The following RCOR2 variants were observed in gnomAD, a reference collection of about 807,000 sequenced individuals.
The protein encoded by RCOR2 is REST corepressor 2.
RCOR2 carries 19 observed loss-of-function variants against 58.9 expected under a neutral mutation model. The ratio of observed to expected loss-of-function variants is 0.32; its 90% CI spans 0.23 to 0.47. RCOR2 has a LOEUF of 0.47. RCOR2 is among the 20% of genes least tolerant of loss of function. The pLI, the probability that RCOR2 is intolerant of heterozygous loss-of-function variation, is 1.00. For missense variants in RCOR2, 590 were observed against 707.9 expected (o/e 0.83, Z 1.89); for synonymous variants, 286 against 278.7 (o/e 1.03, Z -0.26).
chr11:63,915,875 G>A (rs1309819892), intron 1 of RCOR2, among the ~76,000 whole-genome samples: 1 of 152,212 alleles, frequency 6.6e-6, no homozygotes, highest in African/African-American at 2.4e-5. Context: ...GGCCAAGCAG[G>A]GTGCTTTGTT....
chr11:63,926,779 G>GTTT, the RCOR2 span, among the ~76,000 whole-genome samples: 13,167 of 118,968 alleles, frequency 0.11, 742 homozygotes, highest in East Asian at 0.27. Context: ...TGCCTGGCCT[G>GTTT]TTTTTTTTTT....
Position 63,916,497 on chromosome 11 carries a change from A to G in RCOR2, c.-41T>C, listed in dbSNP as rs769081450. 1.3e-6 allele frequency: 2 copies of G among 1,584,214 alleles called. No individual in the cohort carries two copies. The highest frequency in any genetic ancestry group is 1.7e-5 in the Admixed American group (1 of 57,188). ...CCCCGGGGGGCGCAGGAGCCTTCGG[A>G]GAGCGACAGTGGTTGCCGCACTCGC... On this transcript the variant is annotated 5_prime_UTR_variant, in exon 1 of 12. Transcript: ENST00000301459.
In RCOR2 at chr11:63,912,603, C is replaced by T; in HGVS notation, c.1028-69G>A. 3 of 1,592,956 alleles carry T rather than the reference C, an allele frequency of 1.9e-6. No homozygotes were observed. In the Admixed American group the frequency reaches 5.0e-5, roughly 27 times the overall value. ...TAGTTACTTCCCTGACCCTTCCCCT[C>T]TGCCCCCCCACTCCTTGGAGGGTGG... On this transcript the variant is annotated intron_variant, in intron 10 of 11. Coordinates refer to ENST00000301459, the MANE Select transcript of RCOR2 (RefSeq NM_173587.4).
chr11:63,918,385 G>C (rs1941890953), upstream of RCOR2, among the ~76,000 whole-genome samples: 1 of 152,162 alleles, frequency 6.6e-6, no homozygotes, highest in African/African-American at 2.4e-5. Flanking sequence ...GGACTCCTGC[G>C]GACAGCCAGG....
upstream of RCOR2, among the ~76,000 whole-genome samples, chr11:63,917,810 G>A (rs1941882007): frequency 6.6e-6 from 1 of 152,098 alleles, no homozygotes; most frequent in African/African-American, 2.4e-5. Flanking sequence ...GGAAGGTCTG[G>A]GCTGCAGGGG....
At chr11:63,924,670 T>C in the RCOR2 span, among the ~76,000 whole-genome samples, 1 of 152,118 alleles carries the variant, frequency 6.6e-6, no homozygotes. Flanking sequence ...CTGCCTCCTC[T>C]CTTGACTTCC....
chr11:63,911,916 G>T lies in RCOR2; in HGVS notation c.1521C>A (p.Pro507=), dbSNP rs1252391074. The T allele has an allele frequency of 7.6e-7, 1 of 1,311,664 alleles. No individual in the cohort carries two copies. Among genetic ancestry groups the T allele is most frequent in the Non-Finnish European group, 1.0e-6 (1 of 982,672 alleles). The allele number at this position is 1,311,664 out of a possible 1,614,324, so 81.3% of individuals were successfully genotyped here. A position where few individuals can be genotyped will look rare whatever the true frequency, so the allele number is the denominator to read the frequency against. Reference sequence around the variant, plus strand: ...GAGGGGTTCCAATCAGGGTGGGTGGGGGCTGAGGGCCAGGGCGGGCGCTGT... The same window carrying T: ...GAGGGGTTCCAATCAGGGTGGGTGGTGGCTGAGGGCCAGGGCGGGCGCTGT... ...PRHSARPGPQ[P]PPTLIGTPLE... Residue 507 remains proline, a synonymous_variant, in exon 12 of 12, where the codon CCC becomes CCA. Transcript: ENST00000301459.
chr11:63,914,562 A>G (rs760014488), intron 5 of RCOR2, 21 bp from the exon 6 acceptor site: 5 of 1,613,262 alleles, frequency 3.1e-6, no homozygotes, highest in African/African-American at 2.7e-5. Context: ...CAACGCCAGA[A>G]GCTGGGGACC....
Position 63,911,917 on chromosome 11 carries a change from G to GGCTGAGGGCCAGGGCGGGC in RCOR2, c.1501_1519dup (p.Pro507ArgfsTer55). 7.6e-7 allele frequency: 1 copy of GGCTGAGGGCCAGGGCGGGC among 1,315,590 alleles called. No individual in the cohort carries two copies. Among genetic ancestry groups the GGCTGAGGGCCAGGGCGGGC allele is most frequent in the Non-Finnish European group, 1.0e-6 (1 of 986,098 alleles). 81.5% of individuals were successfully genotyped at this position (1,315,590 alleles called of 1,614,324 possible). On this transcript the variant is annotated frameshift_variant, in exon 12 of 12. Coordinates refer to ENST00000301459, the MANE Select transcript of RCOR2 (RefSeq NM_173587.4). LOFTEE classifies it high-confidence loss of function. Reference sequence around the variant, plus strand: ...AGGGGTTCCAATCAGGGTGGGTGGGGGCTGAGGGCCAGGGCGGGCGCTGTG... The same window carrying GGCTGAGGGCCAGGGCGGGC: ...AGGGGTTCCAATCAGGGTGGGTGGGGGCTGAGGGCCAGGGCGGGCGCTGAGGGCCAGGGCGGGCGCTGTG...
At chr11:63,918,305 C>T (rs1941889859), upstream of RCOR2, among the ~76,000 whole-genome samples, 1 of 152,214 alleles carries the variant, frequency 6.6e-6, no homozygotes, top group African/African-American at 2.4e-5. Context: ...TGCCCCCACC[C>T]GCTGCCTGCG....
rs1427290124 is a variant in RCOR2, at chr11:63,914,131, A to G, written c.714T>C (p.Pro238=). 1 of 1,613,698 alleles carries G rather than the reference A, an allele frequency of 6.2e-7. No homozygotes were observed. Among genetic ancestry groups the G allele is most frequent in the Non-Finnish European group, 8.5e-7 (1 of 1,179,982 alleles). Residue 238 remains proline (P), a synonymous_variant, in exon 8 of 12, where the codon CCT becomes CCC. Coordinates refer to ENST00000301459, the MANE Select transcript of RCOR2 (RefSeq NM_173587.4). ...GAGACACCTGGACCTCCTTTTTCCC[A>G]GGGCCTGGGCGTGCATTCAGGGGCC... The part of the protein sequence containing the change: ...PSRPLNARPG[P]GKKEVQVSQY...
rs751268729 is a variant in RCOR2 at position 63,914,567 on chromosome 11, G to A, written c.481-26C>T. 7.4e-6 allele frequency: 12 copies of A among 1,613,118 alleles called. No homozygotes were observed. In the African/African-American group the frequency reaches 1.3e-4, roughly 18 times the overall value. On this transcript the variant is annotated intron_variant, in intron 5 of 11. Transcript: ENST00000301459. ...CTGGAGGAGGCAACGCCAGAAGCTG[G>A]GGACCACTCAAGACTCTGGGCCCCA...
In RCOR2 at chr11:63,914,696, A is replaced by G. The variant is rs2134247194; in HGVS notation, c.439T>C (p.Phe147Leu). The G allele has an allele frequency of 6.2e-7, 1 of 1,611,166 alleles. No homozygotes were observed. The highest frequency in any genetic ancestry group is 1.1e-5 in the South Asian group (1 of 90,824). The change falls in exon 5 of 12, where the codon TTT (phenylalanine) becomes CTT (leucine). Residue 147 changes from phenylalanine to leucine, a missense_variant. This residue lies in a region of RCOR2 where 390 missense variants were observed against 478.7 expected (regional missense o/e 0.81). Coordinates refer to ENST00000301459, the MANE Select transcript of RCOR2 (RefSeq NM_173587.4). ...TGGAAGCATTTGCCATGGAAGCCAAAGGCCTGTTCAAACAGCACCTTGTCC... is the reference window on the plus strand; with the variant it reads ...TGGAAGCATTTGCCATGGAAGCCAAGGGCCTGTTCAAACAGCACCTTGTCC... ...VEDKVLFEQA[F>L]GFHGKCFQRI...
rs754458985 is a variant in RCOR2 at position 63,916,369 on chromosome 11, G to A, written c.88C>T (p.His30Tyr). ...TCCTCGCTGCTGTCATCCTCCGAGT[G>A]GGGCTGTCCGCCGTTGGGCACCGTC... is the stretch of plus-strand genomic sequence containing the variant. ...AKTVPNGGQP[H>Y]SEDDSSEEEH... is the part of the protein sequence containing the mutation. Residue 30 changes from histidine to tyrosine, a missense_variant, in exon 1 of 12, where the codon CAC (histidine) becomes TAC (tyrosine). Around this residue, in one of 3 missense-constraint regions of RCOR2, gnomAD observed 390 missense variants for 478.7 expected, o/e 0.81. Coordinates refer to ENST00000301459, the MANE Select transcript of RCOR2 (RefSeq NM_173587.4). 2.5e-6 allele frequency: 4 copies of A among 1,607,620 alleles called. No homozygotes were observed. Among genetic ancestry groups the A allele is most frequent in the South Asian group, 1.1e-5 (1 of 89,800 alleles).
chr11:63,919,585 G>A (rs547606222), upstream of RCOR2, among the ~76,000 whole-genome samples: 5 of 152,254 alleles, frequency 3.3e-5, no homozygotes, highest in African/African-American at 1.2e-4. Flanking sequence ...CCAGGAACAT[G>A]GGGGTGTGGG....
upstream of RCOR2, among the ~76,000 whole-genome samples, chr11:63,921,272 C>A (rs1023550428): frequency 6.6e-6 from 1 of 152,212 alleles, no homozygotes; most frequent in African/African-American, 2.4e-5. Context: ...CTCACCTGGA[C>A]AACAGCTGCG....
At position 63,912,180 on chromosome 11, in the gene RCOR2, C is replaced by G. The variant is rs778074740; in HGVS notation, c.1258-1G>C. On this transcript the variant is annotated splice_acceptor_variant, in intron 11 of 11. Coordinates refer to ENST00000301459, the MANE Select transcript of RCOR2 (RefSeq NM_173587.4). LOFTEE classifies it high-confidence loss of function. ...ACGTGGAGACCGATGTAATCTGGAC[C>G]TGAGGGGAGAGGAAAGAGTGAGAAG... The G allele has an allele frequency of 1.9e-6, 3 of 1,565,882 alleles. No homozygotes were observed. The highest frequency in any genetic ancestry group is 1.7e-6 in the Non-Finnish European group (2 of 1,157,176).
At chr11:63,917,595 C>T (rs1051509032), upstream of RCOR2, among the ~76,000 whole-genome samples, 4 of 152,142 alleles carry the variant, frequency 2.6e-5, no homozygotes, top group Non-Finnish European at 5.9e-5. Context: ...GCAGGGGGGA[C>T]CCCCCTTATG....
At chr11:63,912,652 T>A in intron 10 of RCOR2, 24 bp downstream of exon 10, 1 of 1,612,962 alleles carries the variant, frequency 6.2e-7, no homozygotes, top group South Asian at 1.1e-5. Flanking sequence ...TGGGGTCCTC[T>A]CTTCTCACCA....
Sources: allele counts gnomAD v4.1 joint callset (sites outside exome capture counted in the v4.1 genomes callset), GRCh38; gene constraint gnomAD v4.1.1; regional missense constraint gnomAD v4.1.1; transcripts MANE v1.5; gene names NCBI Gene and HGNC (gene_info 2026-07-23, HGNC 2026-07-21).